DNAH9: variants seen among roughly 807,000 people sequenced by gnomAD.
DNAH9 encodes DNAH9 variant protein.
Under a neutral mutation model 471.6 loss-of-function variants are expected in DNAH9, and 345 were observed. The ratio of observed to expected loss-of-function variants is 0.73; its 90% CI spans 0.67 to 0.80. DNAH9 has a LOEUF of 0.80. Among genes scored for constraint, DNAH9 ranks in the 30% least tolerant of loss-of-function variants. DNAH9 has a pLI of 0.00. For missense variants in DNAH9, 5,407 were observed against 5,609.2 expected (o/e 0.96, Z 1.15); for synonymous variants, 2,093 against 2,123.6 (o/e 0.99, Z 0.40).
At chr17:11,802,434 G>A (rs1285125737) in intron 43 of DNAH9, among the ~76,000 whole-genome samples, 1 of 152,042 alleles carries the variant, frequency 6.6e-6, no homozygotes, top group African/African-American at 2.4e-5. Flanking sequence ...TTCGAGACTA[G>A]CCTGGCCAAC....
intron 59 of DNAH9, among the ~76,000 whole-genome samples, chr17:11,902,301 T>C (rs1309376626): frequency 6.6e-6 from 1 of 152,196 alleles, no homozygotes; most frequent in Admixed American, 6.5e-5. Context: ...TGAATAATTC[T>C]AGAAACATTT....
At chr17:11,774,895 A>C (rs561111698) in intron 38 of DNAH9, among the ~76,000 whole-genome samples, 2 of 152,164 alleles carry the variant, frequency 1.3e-5, no homozygotes, top group African/African-American at 4.8e-5. Context: ...TAAACTGTAC[A>C]TATTTAAGGT....
intron 48 of DNAH9, among the ~76,000 whole-genome samples, chr17:11,833,969 A>G (rs1289455972): frequency 2.0e-5 from 3 of 152,206 alleles, no homozygotes; most frequent in African/African-American, 7.2e-5. Flanking sequence ...TGTTAAGTAC[A>G]TGAAGCTTTA....
At chr17:11,849,347 A>T (rs1279120889) in intron 49 of DNAH9, among the ~76,000 whole-genome samples, 1 of 152,132 alleles carries the variant, frequency 6.6e-6, no homozygotes, top group Non-Finnish European at 1.5e-5. Context: ...CATATCTGAG[A>T]GCATAAGCCT....
chr17:11,764,677 C>T (rs1051023889), intron 36 of DNAH9, among the ~76,000 whole-genome samples: 1 of 151,616 alleles, frequency 6.6e-6, no homozygotes, highest in Non-Finnish European at 1.5e-5. Flanking sequence ...AGGTTCATCA[C>T]GTTGTTGCAA....
rs373862857 is a variant in DNAH9 at position 11,606,629 on chromosome 17, TAGTAG to T, written c.418-1497_418-1493del. 6.9e-3 allele frequency among the ~76,000 whole-genome samples: 1,046 copies of T among 151,896 alleles called. 7 individuals are homozygous for T. The highest frequency in any genetic ancestry group is 0.018 in the African/African-American group (750 of 41,400). On this transcript the variant is annotated intron_variant, in intron 1 of 68. Coordinates refer to ENST00000262442, the MANE Select transcript of DNAH9 (RefSeq NM_001372.4). ...CACACTCGGCTAATTTTTTGTATTT[TAGTAG>T]AGACAGGGTTTCACCATGTTGGCCA...
intron 45 of DNAH9, among the ~76,000 whole-genome samples, chr17:11,814,124 G>C (rs1410668296): frequency 6.6e-6 from 1 of 152,178 alleles, no homozygotes; most frequent in Non-Finnish European, 1.5e-5. Flanking sequence ...CCTGAGGAAT[G>C]TGCACTGATC....
rs765689915 is a variant in DNAH9 at position 11,610,359 on chromosome 17, TTTG to T, written c.615-31_615-29del. 9 of 1,588,708 alleles carry T rather than the reference TTTG, an allele frequency of 5.7e-6. No individual in the cohort carries two copies. In the African/African-American group the frequency reaches 6.7e-5, roughly 12 times the overall value. On this transcript the variant is annotated intron_variant, in intron 2 of 68. Coordinates refer to ENST00000262442, the MANE Select transcript of DNAH9 (RefSeq NM_001372.4). ...ATTTTCACGCCTCAGGGTTTTTGTT[TTTG>T]TTGTTATCATTGTTGTTGTTTTGTC...
chr17:11,636,781 C>T lies in DNAH9; in HGVS notation c.1783C>T (p.Leu595Phe), dbSNP rs1286565136. The change falls in exon 9 of 69, where the codon CTT (leucine) becomes TTT (phenylalanine). Residue 595 changes from leucine (L) to phenylalanine (F), a missense_variant. By Grantham distance (22) the Leu-to-Phe change is conservative (BLOSUM62 0). This residue lies in a region of DNAH9 where 4,636 missense variants were observed against 4,900.3 expected (regional missense o/e 0.95). Coordinates refer to ENST00000262442, the MANE Select transcript of DNAH9 (RefSeq NM_001372.4). ...TCAGCACGTCCAGGAGGAAGCAGAA[C>T]TTGGTAGGCTTGTTAAAGGGGATTT... The part of the protein sequence containing the change: ...YSQHVQEEAE[L>F]GFSPVHKNMP... 1 of 1,613,710 alleles carries T rather than the reference C, an allele frequency of 6.2e-7. No individual in the cohort carries two copies. The highest frequency in any genetic ancestry group is 8.5e-7 in the Non-Finnish European group (1 of 1,179,718).
intron 26 of DNAH9, among the ~76,000 whole-genome samples, chr17:11,709,896 G>A (rs1294664235): frequency 6.6e-6 from 1 of 152,288 alleles, no homozygotes; most frequent in East Asian, 1.9e-4. Context: ...ACTCCTGCAA[G>A]TAGGTGAAAT....
chr17:11,792,515 G>A (rs1969101436), intron 41 of DNAH9, among the ~76,000 whole-genome samples: 2 of 152,130 alleles, frequency 1.3e-5, no homozygotes, highest in Non-Finnish European at 1.5e-5. Flanking sequence ...CCACCTTTCA[G>A]TAAAATAAAA....
intron 37 of DNAH9, among the ~76,000 whole-genome samples, chr17:11,768,863 C>T (rs960091435): frequency 6.6e-6 from 1 of 152,064 alleles, no homozygotes; most frequent in African/African-American, 2.4e-5. Flanking sequence ...TTTTAAAATG[C>T]ATTAGAGAGG....
In DNAH9 at chr17:11,921,975, A is replaced by G. The variant is rs541155763; in HGVS notation, c.11750-1839A>G. ...TGTGAGCAGAAATGTCACAGAAGAC[A>G]TCTAAAAGTCCCAACACTTTTTATC... is the stretch of plus-strand genomic sequence containing the variant. On this transcript the variant is annotated intron_variant, in intron 61 of 68. Coordinates refer to ENST00000262442, the MANE Select transcript of DNAH9 (RefSeq NM_001372.4). Among the ~76,000 whole-genome samples the G allele has an allele frequency of 2.0e-5, 3 of 152,356 alleles. 1 individual carries two copies. Among genetic ancestry groups the G allele is most frequent in the Admixed American group, 1.3e-4 (2 of 15,306 alleles).
Position 11,669,369 on chromosome 17 carries a change from G to C in DNAH9, c.2929-1G>C, listed in dbSNP as rs922133540. 10 of 1,607,848 alleles carry C rather than the reference G, an allele frequency of 6.2e-6. No individual in the cohort carries two copies. The highest frequency in any genetic ancestry group is 8.5e-6 in the Non-Finnish European group (10 of 1,176,200). ...TGCCTGCCGTTGTCTCGCTTCCCCA[G>C]GTCGACCTGGACGGTATACCAGATT... On this transcript the variant is annotated splice_acceptor_variant, in intron 16 of 68. Transcript: ENST00000262442. LOFTEE classifies it high-confidence loss of function.
intron 49 of DNAH9, among the ~76,000 whole-genome samples, chr17:11,849,292 C>T (rs570108759): frequency 6.6e-6 from 1 of 152,316 alleles, no homozygotes; most frequent in East Asian, 1.9e-4. Context: ...CTCTCTTGTT[C>T]CTCATCCACT....
intron 1 of DNAH9, among the ~76,000 whole-genome samples, 160 bp downstream of exon 1, chr17:11,599,075 C>G (rs997970378): frequency 2.0e-5 from 3 of 151,730 alleles, no homozygotes; most frequent in African/African-American, 4.8e-5. Context: ...GGAGGGAGCA[C>G]AACCAGGAGG....
In DNAH9 at chr17:11,706,449, G is replaced by A. The variant is rs2074702881; in HGVS notation, c.5552+1264G>A. ...TAATGAGGGAAATAAGACATATGTAGATAAAAATTTAAATATCACCAAGGG... is the reference window on the plus strand; with the variant it reads ...TAATGAGGGAAATAAGACATATGTAAATAAAAATTTAAATATCACCAAGGG... On this transcript the variant is annotated intron_variant, in intron 26 of 68. Coordinates refer to ENST00000262442, the MANE Select transcript of DNAH9 (RefSeq NM_001372.4). Among the ~76,000 whole-genome samples the A allele has an allele frequency of 2.0e-5, 3 of 152,062 alleles. No homozygotes were observed. The South Asian group carries it at 6.2e-4, about 32-fold the overall frequency.
chr17:11,813,483 T>C (rs1023925197), intron 45 of DNAH9, among the ~76,000 whole-genome samples: 3 of 152,182 alleles, frequency 2.0e-5, no homozygotes, highest in Non-Finnish European at 4.4e-5. Flanking sequence ...TTTTCAACTT[T>C]GTGGGGTTAT....
chr17:11,714,613 C>T (rs1408516163), intron 26 of DNAH9, among the ~76,000 whole-genome samples: 1 of 152,016 alleles, frequency 6.6e-6, no homozygotes, highest in African/African-American at 2.4e-5. Flanking sequence ...GATATTATTC[C>T]CATGGTTGTG....
Sources: allele counts gnomAD v4.1 joint callset (sites outside exome capture counted in the v4.1 genomes callset), GRCh38; gene constraint gnomAD v4.1.1; regional missense constraint gnomAD v4.1.1; transcripts MANE v1.5; gene names NCBI Gene and HGNC (gene_info 2026-07-23, HGNC 2026-07-21).